Variants in PLD1 observed in about 807,000 individuals in gnomAD.
The protein encoded by PLD1 is phospholipase D1, also known as choline phosphatase 1.
In PLD1, 112 loss-of-function variants were observed where a neutral mutation model predicts 137.1. That is an observed-to-expected ratio of 0.82 (90% CI 0.70 to 0.96). The LOEUF (loss-of-function observed/expected upper bound fraction) is 0.96, where lower values mean the gene tolerates loss of function less well. Among genes scored for constraint, PLD1 ranks in the 40% least tolerant of loss-of-function variants. PLD1 has a pLI of 0.00. For synonymous variants in PLD1, 431 were observed against 454.7 expected (o/e 0.95, Z 0.66); for missense variants, 1,321 against 1,342.0 (o/e 0.98, Z 0.24).
chr3:171,776,012 C>G (rs973536318), intron 1 of PLD1, among the ~76,000 whole-genome samples: 8 of 152,192 alleles, frequency 5.3e-5, no homozygotes, highest in Non-Finnish European at 1.2e-4. Flanking sequence ...TGTGTTCTTT[C>G]TACCACGTGA....
At chr3:171,615,844 G>A (rs1179122528) in intron 24 of PLD1, among the ~76,000 whole-genome samples, 3 of 152,170 alleles carry the variant, frequency 2.0e-5, no homozygotes, top group Admixed American at 6.5e-5. Context: ...TTGTTTCTTG[G>A]TATAGACATG....
chr3:171,709,908 T>C (rs905642827), intron 9 of PLD1, among the ~76,000 whole-genome samples, 199 bp from the exon 10 acceptor site: 41 of 152,188 alleles, frequency 2.7e-4, no homozygotes, highest in Non-Finnish European at 1.5e-5. Flanking sequence ...TACTTATTCA[T>C]TCACTCATGC....
intron 8 of PLD1, among the ~76,000 whole-genome samples, chr3:171,716,901 T>C (rs1717725510): frequency 6.6e-6 from 1 of 152,204 alleles, no homozygotes; most frequent in Non-Finnish European, 1.5e-5. Flanking sequence ...TTCTAAGGGG[T>C]CCAGTTTCAA....
chr3:171,608,921 A>C (rs1732423034), intron 25 of PLD1, among the ~76,000 whole-genome samples: 1 of 152,160 alleles, frequency 6.6e-6, no homozygotes, highest in African/African-American at 2.4e-5. Flanking sequence ...AAGAATTGAA[A>C]AATTTCCCCC....
At chr3:171,641,788 C>T (rs961508070) in intron 23 of PLD1, among the ~76,000 whole-genome samples, 5 of 152,184 alleles carry the variant, frequency 3.3e-5, no homozygotes, top group Non-Finnish European at 7.3e-5. Context: ...TTGCTTGCCA[C>T]CATCTCTACC....
chr3:171,756,483 A>T (rs1043413876), intron 1 of PLD1, among the ~76,000 whole-genome samples: 2 of 152,218 alleles, frequency 1.3e-5, no homozygotes, highest in Non-Finnish European at 2.9e-5. Flanking sequence ...TGTCTGTCAC[A>T]TTTAAGAAGC....
chr3:171,665,177 T>C (rs1157242365), intron 19 of PLD1, among the ~76,000 whole-genome samples: 2 of 152,190 alleles, frequency 1.3e-5, no homozygotes, highest in Non-Finnish European at 2.9e-5. Flanking sequence ...TCAGCTTGCA[T>C]ATGAAGTCTA....
In PLD1 at chr3:171,662,107, C is replaced by A. The variant is rs757887725; in HGVS notation, c.2293G>T (p.Ala765Ser). 2 of 1,613,114 alleles carry A rather than the reference C, an allele frequency of 1.2e-6. No homozygotes were observed. The highest frequency in any genetic ancestry group is 1.1e-5 in the South Asian group (1 of 91,050). Reference protein sequence around the residue: ...IKYHEESIHAAYVHVIENSRH... With the variant: ...IKYHEESIHASYVHVIENSRH... ...CTGTTCTCTATCACATGGACGTAAG[C>A]GGCGTGGATGGACTCTTCATGGTAC... is the stretch of plus-strand genomic sequence containing the variant. The change falls in exon 20 of 27, where the codon GCT becomes TCT. Residue 765 changes from alanine to serine, a missense_variant. Transcript: ENST00000351298.
At position 171,602,518 on chromosome 3, in the gene PLD1, G is replaced by A. The variant is rs1731900599; in HGVS notation, c.*560C>T. On this transcript the variant is annotated 3_prime_UTR_variant, in exon 27 of 27. Transcript: ENST00000351298. ...CCGTGTTCGTACAGTGACTGAAAAG[G>A]AATAATGACTATATCCTCATTTGGG... is the stretch of plus-strand genomic sequence containing the variant. 6.3e-6 allele frequency: 1 copy of A among 159,444 alleles called. No homozygotes were observed. The highest frequency in any genetic ancestry group is 1.4e-5 in the Non-Finnish European group (1 of 72,156). 9.9% of individuals were successfully genotyped at this position (159,444 alleles called of 1,614,324 possible).
intron 25 of PLD1, among the ~76,000 whole-genome samples, chr3:171,608,070 T>C (rs1732347622): frequency 6.6e-6 from 1 of 152,204 alleles, no homozygotes; most frequent in Non-Finnish European, 1.5e-5. Flanking sequence ...AAATATATTA[T>C]CTGTGTTTGC....
At chr3:171,665,383 T>C (rs1388097161) in intron 19 of PLD1, among the ~76,000 whole-genome samples, 1 of 152,122 alleles carries the variant, frequency 6.6e-6, no homozygotes, top group African/African-American at 2.4e-5. Context: ...GTATTTAAAA[T>C]ATTAAAGCTT....
intron 1 of PLD1, among the ~76,000 whole-genome samples, chr3:171,797,839 GT>G: frequency 6.6e-6 from 1 of 152,096 alleles, no homozygotes; most frequent in East Asian, 1.9e-4. Flanking sequence ...TTCTTTGAGG[GT>G]TAATTTTTTT....
intron 5 of PLD1, among the ~76,000 whole-genome samples, chr3:171,734,301 C>A (rs1018797936): frequency 6.6e-6 from 1 of 152,132 alleles, no homozygotes; most frequent in Non-Finnish European, 1.5e-5. Context: ...AATTAACAAA[C>A]ACTTGTTCAT....
intron 1 of PLD1, among the ~76,000 whole-genome samples, chr3:171,783,073 A>C (rs1418016479): frequency 1.3e-5 from 2 of 152,136 alleles, no homozygotes; most frequent in African/African-American, 4.8e-5. Flanking sequence ...CAGTGATATA[A>C]GCAGTAAGAT....
At chr3:171,717,047 T>C (rs1717736607) in intron 8 of PLD1, among the ~76,000 whole-genome samples, 1 of 152,196 alleles carries the variant, frequency 6.6e-6, no homozygotes, top group South Asian at 2.1e-4. Flanking sequence ...GGCTCTATAA[T>C]TCTGTTCCAT....
chr3:171,743,550 C>T (rs1240196989), intron 1 of PLD1, among the ~76,000 whole-genome samples: 1 of 152,186 alleles, frequency 6.6e-6, no homozygotes, highest in Admixed American at 6.5e-5. Flanking sequence ...TGCAATCCTT[C>T]CTTGGCATCC....
intron 23 of PLD1, among the ~76,000 whole-genome samples, chr3:171,630,304 A>C (rs1404732455): frequency 7.3e-5 from 11 of 151,008 alleles, no homozygotes; most frequent in South Asian, 2.1e-4. Context: ...CAAATCAAAA[A>C]CACAATGAGA....
intron 21 of PLD1, among the ~76,000 whole-genome samples, chr3:171,646,232 T>C (rs1242570169): frequency 6.6e-6 from 1 of 152,240 alleles, no homozygotes; most frequent in Non-Finnish European, 1.5e-5. Context: ...CTCGCTGGGA[T>C]ATCCGGGAGG....
intron 8 of PLD1, among the ~76,000 whole-genome samples, chr3:171,718,702 T>G (rs928686322): frequency 6.6e-6 from 1 of 152,092 alleles, no homozygotes; most frequent in African/African-American, 2.4e-5. Flanking sequence ...GGGCTCCAAT[T>G]CCACCTGCCA....
Sources: gnomAD v4.1 joint callset for allele counts (sites outside exome capture counted in the v4.1 genomes callset) on GRCh38, gnomAD v4.1.1 for gene constraint, MANE v1.5 for transcripts, NCBI Gene and HGNC (gene_info 2026-07-23, HGNC 2026-07-21) for gene names.